MAP3K19: variants seen among roughly 807,000 people sequenced by gnomAD.
The protein encoded by MAP3K19 is SPS1/STE20-related protein kinase YSK4.
Under a neutral mutation model 114.4 loss-of-function variants are expected in MAP3K19, and 91 were observed. That is an observed-to-expected ratio of 0.80 (90% CI 0.67 to 0.95). MAP3K19 has a LOEUF of 0.95. Ranked by LOEUF, MAP3K19 falls within the 40% of genes least tolerant of loss-of-function variation. The pLI is 0.00. For missense variants in MAP3K19, 1,471 were observed against 1,573.2 expected (o/e 0.94, Z 1.10); for synonymous variants, 518 against 530.5 (o/e 0.98, Z 0.32).
chr2:135,035,168 A>T (rs1483452480), intron 2 of MAP3K19, among the ~76,000 whole-genome samples: 3 of 152,088 alleles, frequency 2.0e-5, no homozygotes, highest in African/African-American at 7.2e-5. Context: ...AGGCCGAAGC[A>T]GGTGGATCAC....
intron 4 of MAP3K19, among the ~76,000 whole-genome samples, chr2:135,022,156 A>G (rs1241040556): frequency 6.6e-6 from 1 of 152,232 alleles, no homozygotes; most frequent in Non-Finnish European, 1.5e-5. Flanking sequence ...CGATCATCCT[A>G]TCTGATCTGA....
chr2:134,985,773 T>C, intron 10 of MAP3K19, 27 bp downstream of exon 10: 5 of 1,552,352 alleles, frequency 3.2e-6, no homozygotes, highest in South Asian at 1.3e-5. Context: ...CCCACCCCAA[T>C]GAATCTTGGA....
intron 5 of MAP3K19, among the ~76,000 whole-genome samples, chr2:135,012,197 C>T (rs1384261956): frequency 2.0e-5 from 3 of 151,990 alleles, no homozygotes; most frequent in African/African-American, 7.3e-5. Context: ...TGGGGGCTGT[C>T]GTGTGTCTGA....
chr2:134,985,751 T>C, intron 10 of MAP3K19, 49 bp downstream of exon 10: 3 of 1,472,812 alleles, frequency 2.0e-6, no homozygotes, highest in Non-Finnish European at 9.2e-7. Context: ...CCAGATTGTC[T>C]CTGAGGTCCT....
chr2:134,987,127 G>A lies in MAP3K19; in HGVS notation c.1745C>T (p.Pro582Leu). The stretch of plus-strand genomic sequence containing the variant: ...AAACCTGGGCAATTGCCAAGGCCTG[G>A]GGTCCACAAGTCCCAAAGCCGGGAA... ...QIFPALGLVD[P>L]RPWQLPRFQK... is the part of the protein sequence containing the mutation. Residue 582 changes from proline (P) to leucine (L), a missense_variant, in exon 10 of 13, where the codon CCC becomes CTC. Transcript: ENST00000392915. The A allele has an allele frequency of 1.9e-6, 3 of 1,613,944 alleles. No homozygotes were observed. Among genetic ancestry groups the A allele is most frequent in the Non-Finnish European group, 2.5e-6 (3 of 1,180,008 alleles).
chr2:134,990,467 T>G (rs1350932527), intron 9 of MAP3K19, among the ~76,000 whole-genome samples: 4 of 151,802 alleles, frequency 2.6e-5, no homozygotes, highest in South Asian at 2.1e-4. Flanking sequence ...TTTGTTTTTT[T>G]TTTTTGTTTG....
chr2:134,985,950 A>G lies in MAP3K19; in HGVS notation c.2922T>C (p.Ala974=). The G allele has an allele frequency of 6.2e-7, 1 of 1,614,162 alleles. No individual in the cohort carries two copies. Among genetic ancestry groups the G allele is most frequent in the Non-Finnish European group, 8.5e-7 (1 of 1,180,010 alleles). The change falls in exon 10 of 13, where the codon GCT becomes GCC. Residue 974 remains alanine (A), a synonymous_variant. Coordinates refer to ENST00000392915, the MANE Select transcript of MAP3K19 (RefSeq NM_025052.5). ...TCTCATCAAGAGCTAATAATTCTGC[A>G]GCTAGACAACCTAATAGTTCATCTG... The part of the protein sequence containing the change: ...ELTDELLGCL[A]AELLALDEKD...
intron 6 of MAP3K19, among the ~76,000 whole-genome samples, chr2:135,004,707 T>A (rs758940016): frequency 3.3e-5 from 5 of 152,214 alleles, no homozygotes; most frequent in Non-Finnish European, 7.3e-5. Flanking sequence ...GTCTGTTAAG[T>A]GCAAGGGCAC....
Position 134,987,705 on chromosome 2 carries a change from G to A in MAP3K19, c.1167C>T (p.Thr389=), listed in dbSNP as rs186280116. 1.5e-5 allele frequency: 24 copies of A among 1,612,696 alleles called. No homozygotes were observed. The African/African-American group carries it at 3.1e-4, about 21-fold the overall frequency. The stretch of plus-strand genomic sequence containing the variant: ...GGGTTTCTTGGAACTTGCTTGGAAT[G>A]GTACATACTATTTCTGGATCTTGTT... ...NYEQDPEIVC[T]IPSKFQETQH... is the part of the protein sequence containing the mutation. Residue 389 remains threonine, a synonymous_variant, in exon 10 of 13, where the codon ACC becomes ACT. Transcript: ENST00000392915.
chr2:134,964,703 A>G lies in MAP3K19; in HGVS notation c.*147T>C, dbSNP rs1308424330. The G allele has an allele frequency of 5.6e-6, 3 of 536,006 alleles. No homozygotes were observed. The highest frequency in any genetic ancestry group is 3.8e-5 in the African/African-American group (2 of 52,618). The allele number at this position is 536,006 out of a possible 1,614,324, so 33.2% of individuals were successfully genotyped here. A position where few individuals can be genotyped will look rare whatever the true frequency, so the allele number is the denominator to read the frequency against. On this transcript the variant is annotated 3_prime_UTR_variant, in exon 13 of 13. Coordinates refer to ENST00000392915, the MANE Select transcript of MAP3K19 (RefSeq NM_025052.5). ...TTGAGGAGGCTAATATGTAACTGCA[A>G]CTTTCAGTTAATGACTCCATAGGAT...
Position 134,987,866 on chromosome 2 carries a change from A to G in MAP3K19, c.1006T>C (p.Leu336=), listed in dbSNP as rs190703058. ...ACTGCAGGAATATTGCCTTCCTTCA[A>G]ATTCTCAAAAGACACCAAAGACTGC... ...KGQSLVSFEN[L]KEGNIPAVRE... is the part of the protein sequence containing the mutation. Residue 336 remains leucine (L), a synonymous_variant, in exon 10 of 13, where the codon TTG becomes CTG. Coordinates refer to ENST00000392915, the MANE Select transcript of MAP3K19 (RefSeq NM_025052.5). 1.2e-6 allele frequency: 2 copies of G among 1,612,734 alleles called. No individual in the cohort carries two copies. The highest frequency in any genetic ancestry group is 2.2e-5 in the East Asian group (1 of 44,886).
intron 1 of MAP3K19, among the ~76,000 whole-genome samples, chr2:135,045,226 G>C (rs949311826): frequency 2.6e-5 from 4 of 152,318 alleles, no homozygotes; most frequent in African/African-American, 9.6e-5. Context: ...GCTCTTTTAA[G>C]AGAAGCAGAC....
intron 2 of MAP3K19, among the ~76,000 whole-genome samples, chr2:135,037,414 T>A (rs1349570793): frequency 6.6e-6 from 1 of 152,198 alleles, no homozygotes; most frequent in Admixed American, 6.5e-5. Context: ...TGGAGTTCTG[T>A]TGACAGTAGC....
rs753065925 is a variant in MAP3K19, at chr2:134,987,557, C to T, written c.1315G>A (p.Val439Ile). 6 of 1,614,046 alleles carry T rather than the reference C, an allele frequency of 3.7e-6. No homozygotes were observed. In the East Asian group the frequency reaches 8.9e-5, roughly 24 times the overall value. ...EPNNILEECT[V>I]LKSLSSVVFD... ...ACTACACTGGATAAGCTTTTAAGTA[C>T]AGTACACTCTTCTAAAATATTGTTT... Residue 439 changes from valine (V) to isoleucine (I), a missense_variant, in exon 10 of 13, where the codon GTA becomes ATA. Coordinates refer to ENST00000392915, the MANE Select transcript of MAP3K19 (RefSeq NM_025052.5).
chr2:134,970,542 C>G (rs1007465233), intron 12 of MAP3K19, among the ~76,000 whole-genome samples: 5 of 150,840 alleles, frequency 3.3e-5, no homozygotes, highest in African/African-American at 1.2e-4. Flanking sequence ...GATATAAGAT[C>G]ACGTCATCTG....
rs1398338119 is a variant in MAP3K19, at chr2:134,986,726, G to T, written c.2146C>A (p.Leu716Ile). Residue 716 changes from leucine to isoleucine, a missense_variant, in exon 10 of 13, where the codon CTT becomes ATT. Physicochemically the swap from Leu to Ile is conservative, Grantham distance 5. Transcript: ENST00000392915. ...TTCATATGTGTTTTTTTCTGAGAAA[G>T]TCTTGTTCTGATATTGCTCTTCCTC... ...SERKSNIRTR[L>I]SQKKTHMKCP... The T allele has an allele frequency of 1.2e-6, 2 of 1,613,996 alleles. No individual in the cohort carries two copies. Among genetic ancestry groups the T allele is most frequent in the Admixed American group, 1.7e-5 (1 of 59,998 alleles).
intron 12 of MAP3K19, among the ~76,000 whole-genome samples, chr2:134,978,603 C>G (rs1036208834): frequency 2.6e-5 from 4 of 152,184 alleles, no homozygotes; most frequent in African/African-American, 9.7e-5. Flanking sequence ...AAGGGTTTAG[C>G]TGCCTCCCTG....
intron 3 of MAP3K19, among the ~76,000 whole-genome samples, chr2:135,025,908 G>C (rs1032204039): frequency 1.3e-5 from 2 of 152,104 alleles, no homozygotes; most frequent in African/African-American, 4.8e-5. Context: ...TTACAGTGAG[G>C]GAAACAATGA....
At chr2:135,025,438 T>G (rs1208119369) in intron 3 of MAP3K19, among the ~76,000 whole-genome samples, 1 of 136,486 alleles carries the variant, frequency 7.3e-6, no homozygotes, top group Non-Finnish European at 1.5e-5. Flanking sequence ...CAGGCTGGAG[T>G]GCAGTGGCGC....
Sources: gnomAD v4.1 joint callset for allele counts (sites outside exome capture counted in the v4.1 genomes callset) on GRCh38, gnomAD v4.1.1 for gene constraint, MANE v1.5 for transcripts, NCBI Gene and HGNC (gene_info 2026-07-23, HGNC 2026-07-21) for gene names.